LRP1B: variants seen among roughly 807,000 people sequenced by gnomAD.
The protein encoded by LRP1B is low-density lipoprotein receptor-related protein 1B.
Under a neutral mutation model 556.6 loss-of-function variants are expected in LRP1B, and 217 were observed. That is an observed-to-expected ratio of 0.39 (90% confidence interval 0.35 to 0.44). LRP1B has a LOEUF of 0.44. Ranked by LOEUF, LRP1B falls within the 20% of genes least tolerant of loss-of-function variation. The pLI, the probability that LRP1B is intolerant of heterozygous loss-of-function variation, is 1.00. For missense variants in LRP1B, 5,053 were observed against 5,620.8 expected (o/e 0.90, Z 3.23); for synonymous variants, 2,047 against 1,865.8 (o/e 1.10, Z -2.50).
At chr2:141,037,481 A>G (rs762717222) in intron 11 of LRP1B, among the ~76,000 whole-genome samples, 2 of 151,918 alleles carry the variant, frequency 1.3e-5, no homozygotes, top group Admixed American at 6.6e-5. Context: ...TTTTTTTTCC[A>G]TGCATGAAAC....
intron 1 of LRP1B, among the ~76,000 whole-genome samples, chr2:142,013,194 T>C (rs1703009146): frequency 6.6e-6 from 1 of 151,792 alleles, no homozygotes; most frequent in Admixed American, 6.6e-5. Flanking sequence ...TCCTTATTAC[T>C]TTTTTTTCAA....
chr2:141,594,347 G>C (rs1687442834), intron 2 of LRP1B, among the ~76,000 whole-genome samples: 1 of 152,134 alleles, frequency 6.6e-6, no homozygotes, highest in Non-Finnish European at 1.5e-5. Context: ...GATGGTGAAA[G>C]AGATAAGAAT....
intron 11 of LRP1B, among the ~76,000 whole-genome samples, chr2:141,045,384 A>G (rs1359942693): frequency 2.0e-5 from 3 of 151,784 alleles, no homozygotes; most frequent in African/African-American, 7.3e-5. Flanking sequence ...ACTAACCTGC[A>G]CAATGTGCAC....
intron 3 of LRP1B, among the ~76,000 whole-genome samples, chr2:141,332,062 G>C (rs1032075667): frequency 1.3e-5 from 2 of 151,554 alleles, no homozygotes; most frequent in African/African-American, 4.8e-5. Flanking sequence ...TTAGCATTTT[G>C]CCTATATGCT....
chr2:140,740,423 A>T (rs2104865479), intron 35 of LRP1B, among the ~76,000 whole-genome samples: 1 of 152,286 alleles, frequency 6.6e-6, no homozygotes, highest in East Asian at 1.9e-4. Flanking sequence ...TTGAAAAATC[A>T]AACATTGTTC....
At chr2:141,676,338 T>C (rs1690878707) in intron 2 of LRP1B, among the ~76,000 whole-genome samples, 1 of 152,164 alleles carries the variant, frequency 6.6e-6, no homozygotes, top group Admixed American at 6.6e-5. Context: ...TGCACAGTCA[T>C]GTTGACCATT....
Position 140,485,851 on chromosome 2 carries a change from A to ACACACG in LRP1B, c.9244-328_9244-327insCGTGTG, listed in dbSNP as rs776345303. Among the ~76,000 whole-genome samples, 1,002 of 130,300 alleles carry ACACACG rather than the reference A, an allele frequency of 7.7e-3. 3 individuals carry two copies. Among genetic ancestry groups the ACACACG allele is most frequent in the South Asian group, 9.8e-3 (43 of 4,394 alleles). 85.5% of individuals were successfully genotyped at this position (130,300 alleles called of 152,430 possible). A position where few individuals can be genotyped will look rare whatever the true frequency, so the allele number is the denominator to read the frequency against. ...GGACAAAATTCTCACGCACATACACACACACACACACACACACACACACAC... is the reference window on the plus strand; with the variant it reads ...GGACAAAATTCTCACGCACATACACACACACGCACACACACACACACACACACACAC... On this transcript the variant is annotated intron_variant, in intron 58 of 90. Transcript: ENST00000389484.
chr2:142,066,212 A>T (rs1705101668), intron 1 of LRP1B, among the ~76,000 whole-genome samples: 1 of 151,550 alleles, frequency 6.6e-6, no homozygotes. Flanking sequence ...CCTTCCAGTG[A>T]ATCTCAACTT....
chr2:140,439,002 C>G (rs753526025), intron 66 of LRP1B, among the ~76,000 whole-genome samples: 24 of 152,002 alleles, frequency 1.6e-4, no homozygotes, highest in Non-Finnish European at 2.8e-4. Context: ...AAACTGTAAA[C>G]TGGGGAGAGA....
chr2:141,177,828 G>T (rs1249422), intron 7 of LRP1B, among the ~76,000 whole-genome samples: 2 of 152,082 alleles, frequency 1.3e-5, no homozygotes, highest in Non-Finnish European at 2.9e-5. Context: ...GTTTAAGCAA[G>T]AAAAGTTCAA....
chr2:140,593,164 A>C (rs538308), intron 43 of LRP1B, among the ~76,000 whole-genome samples: 1 of 151,988 alleles, frequency 6.6e-6, no homozygotes, highest in Non-Finnish European at 1.5e-5. Flanking sequence ...ATTCTAAAGA[A>C]AAGTCATAAG....
intron 71 of LRP1B, among the ~76,000 whole-genome samples, chr2:140,369,594 T>C (rs946541187): frequency 6.6e-6 from 1 of 151,690 alleles, no homozygotes; most frequent in Non-Finnish European, 1.5e-5. Flanking sequence ...AAATGGCAAA[T>C]TCAAAAGGAA....
intron 42 of LRP1B, among the ~76,000 whole-genome samples, chr2:140,599,272 T>C (rs1312017894): frequency 6.6e-6 from 1 of 152,170 alleles, no homozygotes; most frequent in Admixed American, 6.6e-5. Flanking sequence ...ATAAAAATCT[T>C]CTTCCCCTTC....
At chr2:141,664,213 A>T (rs1052403123) in intron 2 of LRP1B, among the ~76,000 whole-genome samples, 2 of 152,202 alleles carry the variant, frequency 1.3e-5, no homozygotes, top group Non-Finnish European at 2.9e-5. Flanking sequence ...AACTCGCAAT[A>T]AACTAGGTAT....
At chr2:141,819,544 AG>A (rs1223837669) in intron 1 of LRP1B, among the ~76,000 whole-genome samples, 1 of 152,164 alleles carries the variant, frequency 6.6e-6, no homozygotes, top group Non-Finnish European at 1.5e-5. Context: ...AAGCTACAAA[AG>A]TTTATCTTAT....
chr2:141,969,113 T>G (rs1173012666), intron 1 of LRP1B, among the ~76,000 whole-genome samples: 2 of 136,824 alleles, frequency 1.5e-5, no homozygotes, highest in Admixed American at 7.5e-5. Flanking sequence ...GTTGTTTCTG[T>G]TTTTTTTTTT....
chr2:140,746,959 T>G (rs1011471592), intron 35 of LRP1B, among the ~76,000 whole-genome samples: 4 of 152,010 alleles, frequency 2.6e-5, no homozygotes, highest in African/African-American at 9.7e-5. Context: ...CACATCCTAA[T>G]GTATTAAAAA....
intron 3 of LRP1B, among the ~76,000 whole-genome samples, chr2:141,399,936 G>C (rs1690387360): frequency 6.6e-6 from 1 of 152,134 alleles, no homozygotes; most frequent in Non-Finnish European, 1.5e-5. Context: ...CCATGTGTGA[G>C]AGACTGTTAC....
intron 1 of LRP1B, among the ~76,000 whole-genome samples, chr2:141,888,434 C>A (rs565655740): frequency 6.6e-6 from 1 of 152,270 alleles, no homozygotes; most frequent in Admixed American, 6.5e-5. Context: ...CAGCAGTTTT[C>A]AACTCCATCT....
Sources: allele counts gnomAD v4.1 joint callset (sites outside exome capture counted in the v4.1 genomes callset), GRCh38; gene constraint gnomAD v4.1.1; transcripts MANE v1.5; gene names NCBI Gene and HGNC (gene_info 2026-07-23, HGNC 2026-07-21).